The following CALN1 variants were observed in gnomAD, a reference collection of about 807,000 sequenced individuals.
CALN1 encodes the protein calcium-binding protein 8.
A neutral mutation model predicts 30.6 loss-of-function variants in CALN1; 17 were observed. The observed-to-expected ratio is 0.56, with a 90% CI of 0.38 to 0.83. CALN1 has a LOEUF of 0.83. Ranked by LOEUF, CALN1 falls within the 40% of genes least tolerant of loss-of-function variation. CALN1 has a pLI of 0.00. For missense variants in CALN1, 291 were observed against 354.9 expected (o/e 0.82, Z 1.45); for synonymous variants, 156 against 131.4 (o/e 1.19, Z -1.28).
At chr7:72,248,821 A>AT (rs35949137) in intron 3 of CALN1, among the ~76,000 whole-genome samples, 53,912 of 150,764 alleles carry the variant, frequency 0.36, 10,539 homozygotes, top group Middle Eastern at 0.55. Context: ...TTCGATCTAG[A>AT]TTTTTTTTTT....
intron 1 of CALN1, among the ~76,000 whole-genome samples, chr7:72,430,012 G>T (rs547455749): frequency 6.6e-6 from 1 of 150,762 alleles, no homozygotes; most frequent in Non-Finnish European, 1.5e-5. Flanking sequence ...GTAGAGACAG[G>T]GTTTCACCTT....
rs141908100 is a variant in CALN1, at chr7:71,886,577, A to G, written c.502-76085T>C. 1.8e-3 allele frequency among the ~76,000 whole-genome samples: 272 copies of G among 152,254 alleles called. 1 individual carries two copies. The highest frequency in any genetic ancestry group is 6.3e-3 in the African/African-American group (261 of 41,558). On this transcript the variant is annotated intron_variant, in intron 5 of 6. Transcript: ENST00000395275. ...CATCTGAGGTCAGGAGTTCGAGACC[A>G]GCCTGGTTAACATGATGAAATCCTT...
Position 72,257,683 on chromosome 7 carries a change from C to T in CALN1, c.244+21003G>A, listed in dbSNP as rs756217743. Reference sequence around the variant, plus strand: ...CACACACGTTTATAGCAGCACAGTTCGCAACTGCAAAAATGTGGAACCGAC... The same window carrying T: ...CACACACGTTTATAGCAGCACAGTTTGCAACTGCAAAAATGTGGAACCGAC... On this transcript the variant is annotated intron_variant, in intron 3 of 6. Coordinates refer to ENST00000395275, the MANE Select transcript of CALN1 (RefSeq NM_031468.4). Among the ~76,000 whole-genome samples, 19 of 152,142 alleles carry T rather than the reference C, an allele frequency of 1.2e-4. 1 individual carries two copies. Among genetic ancestry groups the T allele is most frequent in the South Asian group, 4.1e-4 (2 of 4,830 alleles).
At chr7:72,469,027 T>A in the CALN1 span, among the ~76,000 whole-genome samples, 1 of 152,346 alleles carries the variant, frequency 6.6e-6, no homozygotes. Context: ...TCCTTGACAA[T>A]GACCTTCAAT....
At chr7:72,500,269 C>CCTTTTTTTCTTT in the CALN1 span, among the ~76,000 whole-genome samples, 1 of 51,364 alleles carries the variant, frequency 1.9e-5, no homozygotes, top group African/African-American at 8.5e-5. Flanking sequence ...TTCGTTCCTT[C>CCTTTTTTTCTTT]TTTTTTTTTT....
In CALN1 at chr7:71,863,818, C is replaced by T. The variant is rs182799696; in HGVS notation, c.502-53326G>A. 1.3e-3 allele frequency among the ~76,000 whole-genome samples: 201 copies of T among 152,248 alleles called. 6 individuals carry two copies. In the East Asian group the frequency reaches 0.032, roughly 24 times the overall value. On this transcript the variant is annotated intron_variant, in intron 5 of 6. Transcript: ENST00000395275. ...TCATGAAGTCTGGGAAGTTGACATT[C>T]CATCCTGACTGATGATGCCTCAATC...
chr7:72,386,058 A>G (rs1805194520), intron 2 of CALN1, among the ~76,000 whole-genome samples: 1 of 152,228 alleles, frequency 6.6e-6, no homozygotes, highest in African/African-American at 2.4e-5. Flanking sequence ...CCAATCACAC[A>G]ATATTCTGGA....
chr7:72,179,385 ACATCTGCC>A (rs1789594291), intron 3 of CALN1, among the ~76,000 whole-genome samples: 1 of 152,148 alleles, frequency 6.6e-6, no homozygotes, highest in Admixed American at 6.5e-5. Flanking sequence ...GCTGGCAAAT[ACATCTGCC>A]CCCAAAGACC....
At chr7:72,009,210 A>T (rs528314040) in intron 5 of CALN1, among the ~76,000 whole-genome samples, 1 of 152,328 alleles carries the variant, frequency 6.6e-6, no homozygotes, top group East Asian at 1.9e-4. Flanking sequence ...ACAGAAAATA[A>T]TATAAAGCAA....
chr7:72,415,812 G>A (rs565558314), upstream of CALN1, among the ~76,000 whole-genome samples: 12 of 152,258 alleles, frequency 7.9e-5, no homozygotes, highest in South Asian at 4.1e-4. Context: ...ATAGAACTGC[G>A]CTACTGGACG....
At chr7:72,219,665 T>C (rs1167546201) in intron 3 of CALN1, among the ~76,000 whole-genome samples, 1 of 139,870 alleles carries the variant, frequency 7.1e-6, no homozygotes, top group Non-Finnish European at 1.6e-5. Flanking sequence ...ACACACACCC[T>C]TGCACACACA....
intron 4 of CALN1, among the ~76,000 whole-genome samples, chr7:72,071,134 A>T (rs2129538117): frequency 6.6e-6 from 1 of 152,316 alleles, no homozygotes; most frequent in South Asian, 2.1e-4. Context: ...AGCTCTTAGC[A>T]CAGTAGCCGC....
At chr7:71,893,316 A>G (rs1793354117) in intron 5 of CALN1, among the ~76,000 whole-genome samples, 2 of 152,202 alleles carry the variant, frequency 1.3e-5, no homozygotes, top group Admixed American at 6.5e-5. Context: ...ACTACAAAGA[A>G]TTGTCTGGCC....
chr7:72,277,421 C>T (rs963594966), intron 3 of CALN1, among the ~76,000 whole-genome samples: 2 of 152,156 alleles, frequency 1.3e-5, no homozygotes, highest in African/African-American at 2.4e-5. Context: ...TGTAAGGGTT[C>T]CTGCTCTCCT....
At chr7:72,214,047 C>A (rs2129548411) in intron 3 of CALN1, among the ~76,000 whole-genome samples, 1 of 152,272 alleles carries the variant, frequency 6.6e-6, no homozygotes, top group East Asian at 1.9e-4. Flanking sequence ...CTAGCTCCAC[C>A]CCAGCAAGTG....
chr7:72,062,981 A>G (rs959939950), intron 4 of CALN1, among the ~76,000 whole-genome samples: 4 of 152,220 alleles, frequency 2.6e-5, no homozygotes, highest in Admixed American at 6.5e-5. Context: ...ATCTCAGTTT[A>G]TTTGATAAGG....
At chr7:72,200,486 C>A (rs1791341581) in intron 3 of CALN1, among the ~76,000 whole-genome samples, 1 of 152,108 alleles carries the variant, frequency 6.6e-6, no homozygotes, top group Admixed American at 6.6e-5. Context: ...TTCATTTAAT[C>A]ATCCCAAAGA....
At chr7:72,299,280 G>A (rs1435441768) in intron 2 of CALN1, among the ~76,000 whole-genome samples, 1 of 151,922 alleles carries the variant, frequency 6.6e-6, no homozygotes, top group African/African-American at 2.4e-5. Flanking sequence ...CATGAAACAA[G>A]GAAAAAGACA....
chr7:72,217,475 C>G (rs940019490), intron 3 of CALN1, among the ~76,000 whole-genome samples: 3 of 152,164 alleles, frequency 2.0e-5, no homozygotes, highest in African/African-American at 7.2e-5. Context: ...CTATAGCAAC[C>G]AGTTACTCTT....
Sources: gnomAD v4.1 joint callset for allele counts (sites outside exome capture counted in the v4.1 genomes callset) on GRCh38, gnomAD v4.1.1 for gene constraint, MANE v1.5 for transcripts, NCBI Gene and HGNC (gene_info 2026-07-23, HGNC 2026-07-21) for gene names.